The following XKR6 variants were observed in gnomAD, a reference collection of about 807,000 sequenced individuals.
The protein encoded by XKR6 is XK related 6, also known as XK-related protein 6.
A neutral mutation model predicts 56.7 loss-of-function variants in XKR6; 22 were observed. The ratio of observed to expected loss-of-function variants is 0.39; its 90% CI spans 0.28 to 0.55. The LOEUF is 0.55. XKR6 is among the 20% of genes least tolerant of loss of function. The pLI, the probability that XKR6 is intolerant of heterozygous loss-of-function variation, is 0.66. For synonymous variants in XKR6, 524 were observed against 387.8 expected, an observed-to-expected ratio of 1.35 and a Z score of -4.13; for missense variants, 852 against 889.0, an observed-to-expected ratio of 0.96 and a Z score of 0.53.
chr8:11,055,823 G>C (rs73662688), intron 1 of XKR6, among the ~76,000 whole-genome samples: 4 of 150,644 alleles, frequency 2.7e-5, no homozygotes, highest in Admixed American at 6.6e-5. Context: ...TGGGTCGGGG[G>C]TGGGCAAGAA....
At chr8:11,174,456 A>G (rs1339543894) in intron 1 of XKR6, among the ~76,000 whole-genome samples, 1 of 152,270 alleles carries the variant, frequency 6.6e-6, no homozygotes, top group Non-Finnish European at 1.5e-5. Context: ...CGAGCACCGC[A>G]TCGACTCCAA....
rs1800488974 is a variant in XKR6 at position 10,914,137 on chromosome 8, C to T, written c.961+10497G>A. ...TGAATGGGTCTATGGGTGTAAGCTTCCCAGATGAAAAAGGTGAGGCTCAGA... is the reference window on the plus strand; with the variant it reads ...TGAATGGGTCTATGGGTGTAAGCTTTCCAGATGAAAAAGGTGAGGCTCAGA... On this transcript the variant is annotated intron_variant, in intron 2 of 2. Coordinates refer to ENST00000416569, the MANE Select transcript of XKR6 (RefSeq NM_173683.4). Among the ~76,000 whole-genome samples the T allele has an allele frequency of 2.0e-5, 3 of 151,748 alleles. No individual in the cohort carries two copies. The South Asian group carries it at 6.3e-4, about 32-fold the overall frequency.
chr8:10,926,755 C>T (rs1800897196), intron 1 of XKR6, among the ~76,000 whole-genome samples: 1 of 152,278 alleles, frequency 6.6e-6, no homozygotes, highest in Non-Finnish European at 1.5e-5. Context: ...GTTCAAGGTT[C>T]TGCCACCTGC....
rs1271882156 is a variant in XKR6 at position 10,898,063 on chromosome 8, C to T, written c.1815G>A (p.Arg605=). The change falls in exon 3 of 3, where the codon AGG becomes AGA. Residue 605 remains arginine (R), a synonymous_variant. Transcript: ENST00000416569. The surrounding 1 kb of genome is among the most constrained non-coding windows in gnomAD (Gnocchi z 6.6). ...PAWDAHFVDR[R]LRRTINILQY... ...GTAGAATGTTAATAGTCCTTCTCAG[C>T]CTCCTGTCTACAAAATGAGCATCCC... The T allele has an allele frequency of 6.2e-7, 1 of 1,613,998 alleles. No homozygotes were observed. The highest frequency in any genetic ancestry group is 2.2e-5 in the East Asian group (1 of 44,878).
At chr8:11,037,139 C>T (rs1390189548) in intron 1 of XKR6, among the ~76,000 whole-genome samples, 2 of 152,238 alleles carry the variant, frequency 1.3e-5, no homozygotes, top group East Asian at 1.9e-4. Context: ...ATCTGTTTCA[C>T]CCAACAATTA....
At chr8:10,977,332 C>A (rs905053849) in intron 1 of XKR6, among the ~76,000 whole-genome samples, 3 of 152,044 alleles carry the variant, frequency 2.0e-5, no homozygotes, top group African/African-American at 7.2e-5. Flanking sequence ...CAGGGACACC[C>A]TGCCCTCTGG....
rs369881876 is a variant in XKR6, at chr8:11,007,932, G to GAGGGCAGGGCAGAGC, written c.765-83117_765-83103dup. ...GCAGATGGCAGGGGCAGAGTGGGGG[G>GAGGGCAGGGCAGAGC]AGGGCAGGGCAGAGCAGAGCAGAGC... On this transcript the variant is annotated intron_variant, in intron 1 of 2. Coordinates refer to ENST00000416569, the MANE Select transcript of XKR6 (RefSeq NM_173683.4). 4.7e-3 allele frequency among the ~76,000 whole-genome samples: 717 copies of GAGGGCAGGGCAGAGC among 152,230 alleles called. 4 individuals are homozygous for GAGGGCAGGGCAGAGC. Among genetic ancestry groups the GAGGGCAGGGCAGAGC allele is most frequent in the African/African-American group, 0.016 (655 of 41,546 alleles).
chr8:11,046,788 A>T (rs1799421298), intron 1 of XKR6, among the ~76,000 whole-genome samples: 1 of 152,240 alleles, frequency 6.6e-6, no homozygotes, highest in Non-Finnish European at 1.5e-5. Context: ...TACATAGATA[A>T]ATGTTTAATA....
chr8:10,913,896 C>T (rs1046241402), intron 2 of XKR6, among the ~76,000 whole-genome samples: 4 of 152,148 alleles, frequency 2.6e-5, no homozygotes, highest in South Asian at 2.1e-4. Context: ...GGACCTGCGA[C>T]GGGGGCCCCA....
intron 1 of XKR6, among the ~76,000 whole-genome samples, chr8:10,957,152 T>C (rs185408728): frequency 6.6e-6 from 1 of 152,286 alleles, no homozygotes; most frequent in East Asian, 1.9e-4. Flanking sequence ...GGTTTCACCA[T>C]GTGGGCCAGG....
chr8:10,936,940 G>A (rs1201608916), intron 1 of XKR6, among the ~76,000 whole-genome samples: 30 of 56,198 alleles, frequency 5.3e-4, no homozygotes, highest in Non-Finnish European at 6.6e-4. Context: ...GAATCTGAAC[G>A]TTGGCCTGCC....
intron 1 of XKR6, among the ~76,000 whole-genome samples, chr8:10,961,491 C>T (rs1404419678): frequency 6.6e-6 from 1 of 152,216 alleles, no homozygotes; most frequent in East Asian, 1.9e-4. Flanking sequence ...AAAGCCAGAA[C>T]CCAGGCCCAG....
At chr8:10,967,750 G>A (rs771444076) in intron 1 of XKR6, among the ~76,000 whole-genome samples, 3 of 152,210 alleles carry the variant, frequency 2.0e-5, no homozygotes, top group Admixed American at 1.3e-4. Flanking sequence ...GACCTACAGC[G>A]ACGTGCTGGA....
At chr8:10,899,803 T>A (rs1279082322) in intron 2 of XKR6, among the ~76,000 whole-genome samples, 1 of 152,214 alleles carries the variant, frequency 6.6e-6, no homozygotes, top group African/African-American at 2.4e-5. Flanking sequence ...TTCACAGAGT[T>A]TGAGTGTGCC....
rs544521275 is a variant in XKR6, at chr8:11,114,725, A to G, written c.764+85851T>C. On this transcript the variant is annotated intron_variant, in intron 1 of 2. Transcript: ENST00000416569. ...TAATGAAGTCAGCTACTTAGATCAC[A>G]TATGTGTGTGTGTGTGTGTGTGTGT... Among the ~76,000 whole-genome samples, 477 of 77,682 alleles carry G rather than the reference A, an allele frequency of 6.1e-3. 4 individuals are homozygous for G. Among genetic ancestry groups the G allele is most frequent in the African/African-American group, 0.026 (461 of 17,660 alleles). 51.0% of individuals were successfully genotyped at this position (77,682 alleles called of 152,430 possible). A position where few individuals can be genotyped will look rare whatever the true frequency, so the allele number is the denominator to read the frequency against.
chr8:11,188,779 T>C (rs1188819738), intron 1 of XKR6, among the ~76,000 whole-genome samples: 2 of 152,202 alleles, frequency 1.3e-5, no homozygotes, highest in Non-Finnish European at 2.9e-5. Context: ...TAACCCTCCC[T>C]GCCCTGTGCA....
At position 11,157,510 on chromosome 8, in the gene XKR6, G is replaced by A. The variant is rs575746486; in HGVS notation, c.764+43066C>T. Among the ~76,000 whole-genome samples, 38 of 152,134 alleles carry A rather than the reference G, an allele frequency of 2.5e-4. 1 individual carries two copies. The South Asian group carries it at 7.7e-3, about 31-fold the overall frequency. On this transcript the variant is annotated intron_variant, in intron 1 of 2. Coordinates refer to ENST00000416569, the MANE Select transcript of XKR6 (RefSeq NM_173683.4). The stretch of plus-strand genomic sequence containing the variant: ...GGTATGTATGTATGTATGTATGTAT[G>A]TATGTATGTATGTATGATTTTTAGA...
chr8:10,996,564 C>T (rs75662137), intron 1 of XKR6, among the ~76,000 whole-genome samples: 16 of 152,184 alleles, frequency 1.1e-4, no homozygotes, highest in Middle Eastern at 3.4e-3. Flanking sequence ...CACCATACAC[C>T]CCCAGCTCCA....
chr8:11,165,471 T>C (rs1033403541), intron 1 of XKR6, among the ~76,000 whole-genome samples: 1 of 152,098 alleles, frequency 6.6e-6, no homozygotes, highest in Non-Finnish European at 1.5e-5. Context: ...CCAAATGATA[T>C]TTCCAGTTTA....
Sources: gnomAD v4.1 joint callset for allele counts (sites outside exome capture counted in the v4.1 genomes callset) on GRCh38, gnomAD v4.1.1 for gene constraint, Gnocchi (gnomAD v3.1) non-coding constraint, MANE v1.5 for transcripts, NCBI Gene and HGNC (gene_info 2026-07-23, HGNC 2026-07-21) for gene names.